Variants in EFEMP1 observed in about 807,000 individuals in gnomAD.
EFEMP1 encodes EGF-like fibulin extracellular matrix protein 1.
A neutral mutation model predicts 65.7 loss-of-function variants in EFEMP1; 18 were observed. That is an observed-to-expected ratio of 0.27 (90% CI 0.19 to 0.41). The LOEUF is 0.41. Among genes scored for constraint, EFEMP1 ranks in the 10% least tolerant of loss-of-function variants. The pLI, the probability that EFEMP1 is intolerant of heterozygous loss-of-function variation, is 1.00. For missense variants in EFEMP1, 469 were observed against 624.8 expected (o/e 0.75, Z 2.66); for synonymous variants, 237 against 219.7 (o/e 1.08, Z -0.70).
In EFEMP1 at chr2:55,870,824, C is replaced by T. The variant is rs1668777682; in HGVS notation, c.1216G>A (p.Val406Met). 2 of 1,613,726 alleles carry T rather than the reference C, an allele frequency of 1.2e-6. No homozygotes were observed. Among genetic ancestry groups the T allele is most frequent in the Non-Finnish European group, 8.5e-7 (1 of 1,179,854 alleles). Residue 406 changes from valine to methionine, a missense_variant, in exon 11 of 12, where the codon GTG becomes ATG. Coordinates refer to ENST00000355426, the MANE Select transcript of EFEMP1 (RefSeq NM_001039348.3). The surrounding 1 kb of genome is among the most constrained non-coding windows in gnomAD (Gnocchi z 5.8). The stretch of plus-strand genomic sequence containing the variant: ...TGTATCTGGAAGATGTCTGATGGCA[C>T]AGACCTATCAGATCGGATGCTCATG... Reference protein sequence around the residue: ...KYMSIRSDRSVPSDIFQIQAT... With the variant: ...KYMSIRSDRSMPSDIFQIQAT...
intron 5 of EFEMP1, among the ~76,000 whole-genome samples, chr2:55,902,871 G>A (rs1374757168): frequency 6.6e-6 from 1 of 152,152 alleles, no homozygotes; most frequent in East Asian, 1.9e-4. Context: ...CAGCTTAAAT[G>A]CCAGGCATAT....
intron 5 of EFEMP1, among the ~76,000 whole-genome samples, chr2:55,893,772 T>C (rs1255564049): frequency 3.3e-5 from 5 of 152,218 alleles, no homozygotes; most frequent in African/African-American, 1.2e-4. Context: ...GGGTTTTTAA[T>C]GTAATTTTCT....
chr2:55,895,697 T>G (rs540348597), intron 5 of EFEMP1, among the ~76,000 whole-genome samples: 1 of 151,750 alleles, frequency 6.6e-6, no homozygotes, highest in South Asian at 2.1e-4. Context: ...GCCCGCCACC[T>G]CGCCCGGCTA....
At position 55,885,249 on chromosome 2, in the gene EFEMP1, T is replaced by G. The variant is rs1177907883; in HGVS notation, c.518-3515A>C. ...TTTCTAGGCAGAAAGCAGCTCACATTAGAAAATGCTGATAAGACAAAACTG... is the reference window on the plus strand; with the variant it reads ...TTTCTAGGCAGAAAGCAGCTCACATGAGAAAATGCTGATAAGACAAAACTG... On this transcript the variant is annotated intron_variant, in intron 5 of 11. Coordinates refer to ENST00000355426, the MANE Select transcript of EFEMP1 (RefSeq NM_001039348.3). This position sits in a 1 kb window ranked among gnomAD's most constrained non-coding sequence, Gnocchi z 4.3. Among the ~76,000 whole-genome samples the G allele has an allele frequency of 6.6e-6, 1 of 152,140 alleles. No homozygotes were observed. The highest frequency in any genetic ancestry group is 1.5e-5 in the Non-Finnish European group (1 of 68,022).
chr2:55,875,391 A>G (rs544391762), intron 8 of EFEMP1, among the ~76,000 whole-genome samples: 2 of 143,120 alleles, frequency 1.4e-5, no homozygotes, highest in South Asian at 4.7e-4. Context: ...GTTCTGCTCA[A>G]CAGTCCAGAG....
intron 8 of EFEMP1, among the ~76,000 whole-genome samples, 182 bp downstream of exon 8, chr2:55,876,441 C>A (rs564795127): frequency 1.3e-5 from 2 of 152,080 alleles, no homozygotes; most frequent in South Asian, 4.1e-4. Flanking sequence ...ATTTTTATTT[C>A]TTTTCCTTTT....
intron 5 of EFEMP1, among the ~76,000 whole-genome samples, chr2:55,916,872 T>A (rs141582892): frequency 6.6e-6 from 1 of 152,214 alleles, no homozygotes; most frequent in Non-Finnish European, 1.5e-5. Context: ...CAGATTCTTA[T>A]CACTTTGCTA....
At chr2:55,894,245 T>C (rs753674629) in intron 5 of EFEMP1, among the ~76,000 whole-genome samples, 1 of 152,142 alleles carries the variant, frequency 6.6e-6, no homozygotes, top group African/African-American at 2.4e-5. Context: ...ATGAAAAAGA[T>C]ATGAAAAATG....
intron 6 of EFEMP1, among the ~76,000 whole-genome samples, chr2:55,881,226 C>T (rs553538482): frequency 6.6e-6 from 1 of 152,320 alleles, no homozygotes; most frequent in South Asian, 2.1e-4. Context: ...TGGAATGCAA[C>T]TCCACCATTT....
chr2:55,881,087 A>G (rs765818482), intron 6 of EFEMP1, among the ~76,000 whole-genome samples: 1 of 152,240 alleles, frequency 6.6e-6, no homozygotes, highest in African/African-American at 2.4e-5. Context: ...GACAGGCACT[A>G]TTCTAAGCAT....
At chr2:55,903,606 T>A (rs906752892) in intron 5 of EFEMP1, among the ~76,000 whole-genome samples, 12 of 152,210 alleles carry the variant, frequency 7.9e-5, no homozygotes, top group Non-Finnish European at 1.3e-4. Flanking sequence ...GAAGCACTAA[T>A]CTATAATGCA....
At chr2:55,881,249 G>GTGCTA (rs1158629796) in intron 6 of EFEMP1, among the ~76,000 whole-genome samples, 1 of 152,212 alleles carries the variant, frequency 6.6e-6, no homozygotes, top group Non-Finnish European at 1.5e-5. Flanking sequence ...TCTATGTGCT[G>GTGCTA]TGCTATGCTA....
At position 55,873,522 on chromosome 2, in the gene EFEMP1, A is replaced by G. The variant is rs1668904776; in HGVS notation, c.1000+1424T>C. 1.3e-5 allele frequency among the ~76,000 whole-genome samples: 2 copies of G among 152,098 alleles called. No homozygotes were observed. Among genetic ancestry groups the G allele is most frequent in the African/African-American group, 4.8e-5 (2 of 41,446 alleles). ...TCAGAAACACATAGATATTTGTTTG[A>G]AGGACTCCAGAGAAATTTGTTAAGA... is the stretch of plus-strand genomic sequence containing the variant. On this transcript the variant is annotated intron_variant, in intron 9 of 11. Coordinates refer to ENST00000355426, the MANE Select transcript of EFEMP1 (RefSeq NM_001039348.3). The surrounding 1 kb of genome is among the most constrained non-coding windows in gnomAD (Gnocchi z 4.6).
chr2:55,910,434 C>T (rs868668950), intron 5 of EFEMP1, among the ~76,000 whole-genome samples: 2 of 152,288 alleles, frequency 1.3e-5, no homozygotes, highest in Middle Eastern at 3.4e-3. Context: ...AAATCAAACA[C>T]ATTGGGAAAA....
intron 5 of EFEMP1, among the ~76,000 whole-genome samples, chr2:55,907,885 C>T (rs767140363): frequency 1.3e-5 from 2 of 152,224 alleles, no homozygotes; most frequent in Non-Finnish European, 1.5e-5. Flanking sequence ...GTTCCAGCTC[C>T]TGTCATGATT....
rs1572782328 is a variant in EFEMP1 at position 55,871,583 on chromosome 2, A to G, written c.1001-460T>C. On this transcript the variant is annotated intron_variant, in intron 9 of 11. Coordinates refer to ENST00000355426, the MANE Select transcript of EFEMP1 (RefSeq NM_001039348.3). This position sits in a 1 kb window ranked among gnomAD's most constrained non-coding sequence, Gnocchi z 4.2. ...GGATTAGGGAAGGCTGAAGGAAGGAAGAGGCATCTCAACGTGGCCTTGAAG... is the reference window on the plus strand; with the variant it reads ...GGATTAGGGAAGGCTGAAGGAAGGAGGAGGCATCTCAACGTGGCCTTGAAG... 6.6e-6 allele frequency among the ~76,000 whole-genome samples: 1 copy of G among 152,086 alleles called. No individual in the cohort carries two copies. The highest frequency in any genetic ancestry group is 1.5e-5 in the Non-Finnish European group (1 of 68,006).
rs1363559076 is a variant in EFEMP1, at chr2:55,885,268, A to AAGCTCACATTAG, written c.518-3535_518-3534insCTAATGTGAGCT. Among the ~76,000 whole-genome samples, 1 of 152,206 alleles carries AAGCTCACATTAG rather than the reference A, an allele frequency of 6.6e-6. No individual in the cohort carries two copies. The highest frequency in any genetic ancestry group is 2.4e-5 in the African/African-American group (1 of 41,456). ...TCACATTAGAAAATGCTGATAAGAC[A>AAGCTCACATTAG]AAACTGGTTTCCATGAGAAGAATGG... On this transcript the variant is annotated intron_variant, in intron 5 of 11. Transcript: ENST00000355426. This position sits in a 1 kb window ranked among gnomAD's most constrained non-coding sequence, Gnocchi z 4.3.
chr2:55,900,677 G>A (rs200251665), intron 5 of EFEMP1, among the ~76,000 whole-genome samples: 1 of 140,666 alleles, frequency 7.1e-6, no homozygotes, highest in Non-Finnish European at 1.5e-5. Flanking sequence ...TTTTCTCTCT[G>A]GTTAATTGAC....
At chr2:55,915,208 A>G (rs1261377677) in intron 5 of EFEMP1, among the ~76,000 whole-genome samples, 2 of 152,224 alleles carry the variant, frequency 1.3e-5, no homozygotes, top group African/African-American at 4.8e-5. Flanking sequence ...TTTCAATGGT[A>G]TAGACACCAA....
Sources: allele counts gnomAD v4.1 joint callset (sites outside exome capture counted in the v4.1 genomes callset), GRCh38; gene constraint gnomAD v4.1.1; non-coding constraint Gnocchi (gnomAD v3.1); transcripts MANE v1.5; gene names NCBI Gene and HGNC (gene_info 2026-07-23, HGNC 2026-07-21).